Variants in SERPINB10 observed in about 807,000 individuals in gnomAD.
SERPINB10 encodes serpin B10.
In SERPINB10, 35 loss-of-function variants were observed where a neutral mutation model predicts 39.1. The observed-to-expected ratio is 0.90, with a 90% CI of 0.68 to 1.19. The LOEUF (loss-of-function observed/expected upper bound fraction) is 1.19. SERPINB10 is among the 50% of genes most tolerant of loss of function. SERPINB10 has a pLI of 0.00. For missense variants in SERPINB10, 546 were observed against 460.5 expected (o/e 1.19, Z -1.70); for synonymous variants, 190 against 158.1 (o/e 1.20, Z -1.52).
At chr18:63,923,969 T>C (rs577686448) in intron 5 of SERPINB10, among the ~76,000 whole-genome samples, 5 of 152,018 alleles carry the variant, frequency 3.3e-5, no homozygotes, top group South Asian at 2.1e-4. Flanking sequence ...TCAAGACTTA[T>C]GGTTATTGGT....
intron 1 of SERPINB10, among the ~76,000 whole-genome samples, chr18:63,910,008 CT>C (rs1431684540): frequency 6.6e-6 from 1 of 151,940 alleles, no homozygotes; most frequent in African/African-American, 2.4e-5. Flanking sequence ...GGAGCCACAC[CT>C]AGGGCATGAT....
intron 7 of SERPINB10, among the ~76,000 whole-genome samples, chr18:63,934,074 A>G (rs2050243549): frequency 6.6e-6 from 1 of 152,218 alleles, no homozygotes; most frequent in Non-Finnish European, 1.5e-5. Flanking sequence ...AGCTGAAGAT[A>G]CTGTCATGTT....
At chr18:63,915,975 A>G (rs1320708071) in intron 2 of SERPINB10, among the ~76,000 whole-genome samples, 1 of 152,018 alleles carries the variant, frequency 6.6e-6, no homozygotes, top group African/African-American at 2.4e-5. Context: ...TTTTGATGAT[A>G]TTATTTCAAA....
chr18:63,921,113 T>C (rs1326005046), intron 5 of SERPINB10, among the ~76,000 whole-genome samples: 3 of 151,974 alleles, frequency 2.0e-5, no homozygotes, highest in Admixed American at 2.0e-4. Context: ...ATATTATATC[T>C]TATGAAGAAA....
chr18:63,912,206 T>C (rs543622298), intron 1 of SERPINB10, among the ~76,000 whole-genome samples: 38 of 152,122 alleles, frequency 2.5e-4, no homozygotes, highest in Middle Eastern at 3.4e-3. Flanking sequence ...GTTTTGTAAG[T>C]ATAGAATTAT....
intron 1 of SERPINB10, among the ~76,000 whole-genome samples, chr18:63,909,402 T>C (rs1268111489): frequency 6.6e-6 from 1 of 152,032 alleles, no homozygotes; most frequent in African/African-American, 2.4e-5. Flanking sequence ...CATTGTTGGG[T>C]TAAATATCAC....
chr18:63,935,764 C>T lies in SERPINB10; in HGVS notation c.*522C>T, dbSNP rs2050259208. 6.6e-6 allele frequency: 1 copy of T among 152,522 alleles called. No homozygotes were observed. Among genetic ancestry groups the T allele is most frequent in the Non-Finnish European group, 1.5e-5 (1 of 68,324 alleles). 9.4% of individuals were successfully genotyped at this position (152,522 alleles called of 1,614,324 possible). ...GGTTGAGACTGCAGTGAGCCAAGAT[C>T]ACACCAGTGCACTCCAACCTGGGCA... On this transcript the variant is annotated 3_prime_UTR_variant, in exon 8 of 8. Coordinates refer to ENST00000238508, the MANE Select transcript of SERPINB10 (RefSeq NM_005024.3).
At chr18:63,931,473 A>G (rs1189136075) in intron 6 of SERPINB10, among the ~76,000 whole-genome samples, 1 of 152,204 alleles carries the variant, frequency 6.6e-6, no homozygotes, top group Non-Finnish European at 1.5e-5. Context: ...CCACCACCTT[A>G]GCATACGGTG....
intron 1 of SERPINB10, among the ~76,000 whole-genome samples, chr18:63,910,051 A>T (rs908001716): frequency 6.6e-6 from 1 of 151,980 alleles, no homozygotes; most frequent in Non-Finnish European, 1.5e-5. Flanking sequence ...GGTTAAGTGT[A>T]AGTTTATGGC....
At chr18:63,923,758 A>G (rs1016651708) in intron 5 of SERPINB10, among the ~76,000 whole-genome samples, 4 of 151,998 alleles carry the variant, frequency 2.6e-5, no homozygotes, top group Non-Finnish European at 2.9e-5. Context: ...AGTACTTCCA[A>G]TAAACAAATT....
chr18:63,909,965 G>A (rs193181466), intron 1 of SERPINB10, among the ~76,000 whole-genome samples: 120 of 152,058 alleles, frequency 7.9e-4, no homozygotes, highest in Middle Eastern at 3.4e-3. Context: ...AATAATGTCA[G>A]CCTGGGATTA....
At position 63,918,069 on chromosome 18, in the gene SERPINB10, G is replaced by A. The variant is rs199625177; in HGVS notation, c.339G>A (p.Ala113=). The change falls in exon 4 of 8, where the codon GCG becomes GCA. Residue 113 remains alanine (A), a synonymous_variant. Coordinates refer to ENST00000238508, the MANE Select transcript of SERPINB10 (RefSeq NM_005024.3). ...NDDYLLKTAN[A]IYGEKTYAFH... is the part of the protein sequence containing the mutation. ...ACTACTTACTTAAAACAGCCAATGC[G>A]ATATATGGAGAGAAAACGTATGCAT... 2.0e-5 allele frequency: 33 copies of A among 1,612,362 alleles called. 1 individual carries two copies. The highest frequency in any genetic ancestry group is 1.8e-4 in the East Asian group (8 of 44,776).
In SERPINB10 at chr18:63,935,132, C is replaced by G; in HGVS notation, c.1084C>G (p.Arg362Gly). The stretch of plus-strand genomic sequence containing the variant: ...TGGCAGTGGGAGTGAGATAGATATA[C>G]GAATTAGAGTCCCATCCATTGAATT... ...AAGSGSEIDI[R>G]IRVPSIEFNA... is the part of the protein sequence containing the mutation. The change falls in exon 8 of 8, where the codon CGA (arginine) becomes GGA (glycine). Residue 362 changes from arginine (R) to glycine (G), a missense_variant. Physicochemically the swap from Arg to Gly is moderately radical, Grantham distance 125. Transcript: ENST00000238508. 1.9e-6 allele frequency: 3 copies of G among 1,613,622 alleles called. No individual in the cohort carries two copies. The highest frequency in any genetic ancestry group is 1.7e-6 in the Non-Finnish European group (2 of 1,179,998).
intron 6 of SERPINB10, among the ~76,000 whole-genome samples, chr18:63,930,652 G>A (rs1042260283): frequency 6.6e-6 from 1 of 152,176 alleles, no homozygotes; most frequent in African/African-American, 2.4e-5. Flanking sequence ...TCGTGAATGG[G>A]CTGGAGTGTG....
rs1254990464 is a variant in SERPINB10 at position 63,915,636 on chromosome 18, G to A, written c.126G>A (p.Val42=). The change falls in exon 2 of 8, where the codon GTG becomes GTA. Residue 42 remains valine, a synonymous_variant. Coordinates refer to ENST00000238508, the MANE Select transcript of SERPINB10 (RefSeq NM_005024.3). ...GCATCTCAACTTCCTTGACCATAGT[G>A]TATTTGGGCGCCAAAGGTACCACTG... The part of the protein sequence containing the change: ...SWSISTSLTI[V]YLGAKGTTAA... 6.2e-7 allele frequency: 1 copy of A among 1,612,156 alleles called. No individual in the cohort carries two copies. The highest frequency in any genetic ancestry group is 1.3e-5 in the African/African-American group (1 of 74,868).
intron 5 of SERPINB10, among the ~76,000 whole-genome samples, chr18:63,928,620 G>A (rs9955406): frequency 6.6e-6 from 1 of 151,842 alleles, no homozygotes; most frequent in Non-Finnish European, 1.5e-5. Flanking sequence ...CATTGAATCT[G>A]TAAATGACCT....
intron 5 of SERPINB10, among the ~76,000 whole-genome samples, chr18:63,922,530 G>A (rs2050153576): frequency 6.6e-6 from 1 of 151,916 alleles, no homozygotes; most frequent in Non-Finnish European, 1.5e-5. Context: ...TTGGAAATCA[G>A]GTAGGGATCC....
At chr18:63,920,549 C>T (rs1040591857) in intron 5 of SERPINB10, among the ~76,000 whole-genome samples, 2 of 151,952 alleles carry the variant, frequency 1.3e-5, no homozygotes, top group African/African-American at 4.8e-5. Flanking sequence ...TTACAATAGC[C>T]AGTTGTAGTA....
chr18:63,921,780 C>T (rs1034034154), intron 5 of SERPINB10, among the ~76,000 whole-genome samples: 3 of 151,880 alleles, frequency 2.0e-5, no homozygotes, highest in Non-Finnish European at 4.4e-5. Flanking sequence ...GCTTGTCTCT[C>T]CACTTAAACT....
Sources: allele counts gnomAD v4.1 joint callset (sites outside exome capture counted in the v4.1 genomes callset), GRCh38; gene constraint gnomAD v4.1.1; transcripts MANE v1.5; gene names NCBI Gene and HGNC (gene_info 2026-07-23, HGNC 2026-07-21).